The following TARS2 variants were observed in gnomAD, a reference collection of about 807,000 sequenced individuals.
The protein encoded by TARS2 is threonine--tRNA ligase, mitochondrial.
TARS2 carries 61 observed loss-of-function variants against 94.4 expected under a neutral mutation model. That is an observed-to-expected ratio of 0.65 (90% CI 0.53 to 0.80). TARS2 has a LOEUF of 0.80. TARS2 is among the 30% of genes least tolerant of loss of function. The probability of loss-of-function intolerance (pLI) is 0.00; values close to 1 mark genes in which losing one functional copy is unlikely to be tolerated. For synonymous variants in TARS2, 359 were observed against 353.4 expected (o/e 1.02, Z -0.18); for missense variants, 704 against 902.5 (o/e 0.78, Z 2.82).
In TARS2 at chr1:150,503,577, GTA is replaced by G. The variant is rs370458461; in HGVS notation, c.1618-750_1618-749del. Among the ~76,000 whole-genome samples, 35 of 141,530 alleles carry G rather than the reference GTA, an allele frequency of 2.5e-4. No individual in the cohort carries two copies. In the South Asian group the frequency reaches 2.9e-3, roughly 12 times the overall value. 92.8% of individuals were successfully genotyped at this position (141,530 alleles called of 152,430 possible). A position where few individuals can be genotyped will look rare whatever the true frequency, so the allele number is the denominator to read the frequency against. ...TGTGTGTGTGTGTGTGTGTGTGTGT[GTA>G]TATATATGTGTGTGTGTGTGTGTAT... On this transcript the variant is annotated intron_variant, in intron 13 of 17. Coordinates refer to ENST00000369064, the MANE Select transcript of TARS2 (RefSeq NM_025150.5).
At chr1:150,505,992 G>A (rs1670183560) in intron 17 of TARS2, among the ~76,000 whole-genome samples, 1 of 152,206 alleles carries the variant, frequency 6.6e-6, no homozygotes, top group Non-Finnish European at 1.5e-5. Flanking sequence ...GAGAGAAAGG[G>A]ACGGGAGGGT....
At chr1:150,503,585 A>ATGTGTGTG (rs1180611628) in intron 13 of TARS2, among the ~76,000 whole-genome samples, 2,752 of 137,132 alleles carry the variant, frequency 0.02, 127 homozygotes, top group African/African-American at 0.074. Flanking sequence ...GTGTATATAT[A>ATGTGTGTG]TGTGTGTGTG....
chr1:150,503,410 G>A (rs915025733), intron 13 of TARS2, among the ~76,000 whole-genome samples: 7 of 151,898 alleles, frequency 4.6e-5, no homozygotes, highest in Non-Finnish European at 8.8e-5. Context: ...TGTCATGGCC[G>A]GGTGTGGTGG....
chr1:150,504,110 A>G, intron 13 of TARS2, among the ~76,000 whole-genome samples: 1 of 152,178 alleles, frequency 6.6e-6, no homozygotes, highest in East Asian at 1.9e-4. Flanking sequence ...ATCAGGTAAT[A>G]TTATAACACC....
At chr1:150,503,647 GTGTGTATATA>G (rs1265596370) in intron 13 of TARS2, among the ~76,000 whole-genome samples, 1 of 149,650 alleles carries the variant, frequency 6.7e-6, no homozygotes. Context: ...GTGTATATAT[GTGTGTATATA>G]TGTGTGTATA....
chr1:150,493,024 A>T (rs1390667782), intron 7 of TARS2, among the ~76,000 whole-genome samples: 4 of 151,720 alleles, frequency 2.6e-5, no homozygotes, highest in African/African-American at 4.8e-5. Flanking sequence ...CTGGGATAAT[A>T]GGTGTGCACC....
Position 150,488,045 on chromosome 1 carries a change from G to A in TARS2, c.254G>A (p.Arg85Gln), listed in dbSNP as rs1373861474. ...AWNTTPYQLA[R>Q]QISSTLADTA... ...AACACAACCCCCTACCAACTAGCCC[G>A]GCAGATCAGGTAACAGGCCCATCCT... Residue 85 changes from arginine (R) to glutamine (Q), a missense_variant, in exon 2 of 18, where the codon CGG becomes CAG. Arg to Gln is a conservative substitution (Grantham distance 43). Coordinates refer to ENST00000369064, the MANE Select transcript of TARS2 (RefSeq NM_025150.5). 1.9e-6 allele frequency: 3 copies of A among 1,613,778 alleles called. No homozygotes were observed. Among genetic ancestry groups the A allele is most frequent in the Admixed American group, 1.7e-5 (1 of 59,990 alleles).
intron 6 of TARS2, 196 bp from the exon 7 acceptor site, chr1:150,492,215 T>G (rs1313431987): frequency 1.9e-6 from 1 of 532,388 alleles, no homozygotes; most frequent in Admixed American, 3.2e-5. Context: ...CCACCCACCT[T>G]GGCCTCCCAA....
Position 150,507,241 on chromosome 1 carries a change from A to G in TARS2, c.*177A>G. The G allele has an allele frequency of 5.0e-6, 4 of 799,074 alleles. No homozygotes were observed. The South Asian group carries it at 5.9e-5, about 12-fold the overall frequency. 49.5% of individuals were successfully genotyped at this position (799,074 alleles called of 1,614,324 possible). ...GACCCCACAAAAGGAGGGAAGCTGT[A>G]GCTGTTTGGATGTGAGGAGAATGAA... On this transcript the variant is annotated 3_prime_UTR_variant, in exon 18 of 18. Coordinates refer to ENST00000369064, the MANE Select transcript of TARS2 (RefSeq NM_025150.5).
intron 7 of TARS2, among the ~76,000 whole-genome samples, chr1:150,494,243 T>C (rs1317350901): frequency 1.3e-5 from 2 of 151,488 alleles, no homozygotes; most frequent in Non-Finnish European, 2.9e-5. Flanking sequence ...GGCCTACGCC[T>C]GTAATCCCAG....
At chr1:150,503,044 A>G (rs1374341457) in intron 13 of TARS2, among the ~76,000 whole-genome samples, 4 of 152,330 alleles carry the variant, frequency 2.6e-5, no homozygotes, top group Non-Finnish European at 5.9e-5. Flanking sequence ...GAGAGAGCAA[A>G]AAACTGGAAC....
At position 150,490,726 on chromosome 1, in the gene TARS2, G is replaced by T. The variant is rs769650841; in HGVS notation, c.512+1G>T. The T allele has an allele frequency of 1.2e-6, 2 of 1,613,654 alleles. No individual in the cohort carries two copies. Among genetic ancestry groups the T allele is most frequent in the Admixed American group, 1.7e-5 (1 of 59,994 alleles). On this transcript the variant is annotated splice_donor_variant, in intron 4 of 17. Transcript: ENST00000369064. LOFTEE classifies it high-confidence loss of function. ...ATGATTTCTTCCTGGGAAAGGAGAGGTGAGTAATGAAAGGAAGGAGGAGAA... is the reference window on the plus strand; with the variant it reads ...ATGATTTCTTCCTGGGAAAGGAGAGTTGAGTAATGAAAGGAAGGAGGAGAA...
At chr1:150,501,302 ATTTTTTT>A (rs869271907) in intron 13 of TARS2, among the ~76,000 whole-genome samples, 14 of 32,098 alleles carry the variant, frequency 4.4e-4, no homozygotes, top group African/African-American at 1.5e-3. Context: ...ACAAAAAAAA[ATTTTTTT>A]TTTTTTTTTT....
At chr1:150,488,462 G>A (rs114219204) in intron 2 of TARS2, 3,118 of 156,008 alleles carry the variant, frequency 0.02, 135 homozygotes, top group African/African-American at 0.072. Context: ...GCTGAGAGAT[G>A]AGCAACTTTC....
At chr1:150,500,034 G>A (rs950875427) in intron 13 of TARS2, among the ~76,000 whole-genome samples, 5 of 151,936 alleles carry the variant, frequency 3.3e-5, no homozygotes, top group Admixed American at 2.0e-4. Flanking sequence ...AATTAGCCGG[G>A]TGCAGTAGCT....
chr1:150,487,449 A>G lies in TARS2; in HGVS notation c.-2A>G, dbSNP rs181816509. 2.5e-5 allele frequency: 41 copies of G among 1,614,182 alleles called. No individual in the cohort carries two copies. In the East Asian group the frequency reaches 8.2e-4, roughly 32 times the overall value. ...AGGATGTAGGCACTGGTGTGAAGGA[A>G]CATGGCCCTGTATCAGAGGTGGCGG... is the stretch of plus-strand genomic sequence containing the variant. On this transcript the variant is annotated 5_prime_UTR_variant, in exon 1 of 18. Transcript: ENST00000369064.
chr1:150,503,081 C>T (rs995804395), intron 13 of TARS2, among the ~76,000 whole-genome samples: 8 of 152,100 alleles, frequency 5.3e-5, no homozygotes, highest in Admixed American at 2.0e-4. Flanking sequence ...GAGCATAGAG[C>T]TTATTAGGGC....
At chr1:150,503,796 A>G (rs181506217) in intron 13 of TARS2, among the ~76,000 whole-genome samples, 20 of 150,594 alleles carry the variant, frequency 1.3e-4, no homozygotes, top group Admixed American at 1.2e-3. Context: ...CCAGCTACTC[A>G]GGAGGCTGAG....
At chr1:150,487,623 C>T in intron 1 of TARS2, 107 bp downstream of exon 1, 8 of 1,458,548 alleles carry the variant, frequency 5.5e-6, no homozygotes, top group South Asian at 1.2e-5. Context: ...TCTCCCTGGT[C>T]CTCCGAGTCC....
Sources: gnomAD v4.1 joint callset for allele counts (sites outside exome capture counted in the v4.1 genomes callset) on GRCh38, gnomAD v4.1.1 for gene constraint, MANE v1.5 for transcripts, NCBI Gene and HGNC (gene_info 2026-07-23, HGNC 2026-07-21) for gene names.